AMPH: variants seen among roughly 807,000 people sequenced by gnomAD.
The protein encoded by AMPH is amphiphysin (Stiff-Mann syndrome with breast cancer 128kD autoantigen).
In AMPH, 49 loss-of-function variants were observed where a neutral mutation model predicts 99.1. The ratio of observed to expected loss-of-function variants is 0.49; its 90% CI spans 0.39 to 0.63. AMPH has a LOEUF of 0.63. Ranked by LOEUF, AMPH falls within the 20% of genes least tolerant of loss-of-function variation. The pLI is 0.00. For synonymous variants in AMPH, 314 were observed against 317.3 expected, an observed-to-expected ratio of 0.99 and a Z score of 0.11; for missense variants, 759 against 863.4, an observed-to-expected ratio of 0.88 and a Z score of 1.52.
chr7:38,549,527 G>A (rs527405284), intron 1 of AMPH, among the ~76,000 whole-genome samples: 2 of 152,338 alleles, frequency 1.3e-5, no homozygotes, highest in African/African-American at 4.8e-5. Context: ...CTGAAAATGT[G>A]ATGAGTTATT....
intron 13 of AMPH, among the ~76,000 whole-genome samples, chr7:38,431,886 C>T (rs58270656): frequency 2.0e-5 from 3 of 152,060 alleles, no homozygotes; most frequent in African/African-American, 4.8e-5. Flanking sequence ...GTGTCCTTCA[C>T]TGCAACAGCT....
At position 38,503,662 on chromosome 7, in the gene AMPH, C is replaced by T; in HGVS notation, c.193G>A (p.Ala65Thr). The T allele has an allele frequency of 6.2e-7, 1 of 1,613,984 alleles. No homozygotes were observed. Among genetic ancestry groups the T allele is most frequent in the Non-Finnish European group, 8.5e-7 (1 of 1,179,952 alleles). Residue 65 changes from alanine to threonine, a missense_variant, in exon 3 of 21, where the codon GCA (alanine) becomes ACA (threonine). This residue lies in a region of AMPH where 205 missense variants were observed against 287.9 expected (regional missense o/e 0.71). Coordinates refer to ENST00000356264, the MANE Select transcript of AMPH (RefSeq NM_001635.4). The part of the protein sequence containing the change: ...RLQRELRGYL[A>T]AIKGMQEASM... ...TCATACACATTACCTTTGATTGCTG[C>T]TAAATATCCTCGGAGTTCTCGCTGA...
intron 1 of AMPH, among the ~76,000 whole-genome samples, chr7:38,537,296 C>G (rs1262263800): frequency 6.6e-6 from 1 of 152,102 alleles, no homozygotes; most frequent in East Asian, 1.9e-4. Context: ...ATTAATAGTG[C>G]CTACTTCACA....
Position 38,407,021 on chromosome 7 carries a change from C to CCTCTCTCTCTCTCTCTCT in AMPH, c.1398+10786_1398+10803dup, listed in dbSNP as rs71558121. ...ATAAGCCAATTTTCCCTAATAGACT[C>CCTCTCTCTCTCTCTCTCT]CTCTCTCTCTCTCTCTCTCTCTCTC... On this transcript the variant is annotated intron_variant, in intron 17 of 20. Transcript: ENST00000356264. 7.8e-3 allele frequency among the ~76,000 whole-genome samples: 29 copies of CCTCTCTCTCTCTCTCTCT among 3,704 alleles called. 9 individuals are homozygous for CCTCTCTCTCTCTCTCTCT. The highest frequency in any genetic ancestry group is 0.013 in the South Asian group (1 of 78). The allele number at this position is 3,704 out of a possible 152,430, so 2.4% of individuals were successfully genotyped here.
chr7:38,437,090 C>G (rs1427054215), intron 11 of AMPH, among the ~76,000 whole-genome samples: 1 of 152,122 alleles, frequency 6.6e-6, no homozygotes, highest in African/African-American at 2.4e-5. Context: ...CCAAATAAGA[C>G]ACAGGACGAA....
At chr7:38,546,053 G>C (rs1215190086) in intron 1 of AMPH, among the ~76,000 whole-genome samples, 2 of 152,166 alleles carry the variant, frequency 1.3e-5, no homozygotes, top group African/African-American at 4.8e-5. Context: ...AGTATTTTCA[G>C]TTCAGTTTGT....
At chr7:38,549,621 C>A (rs2118460) in intron 1 of AMPH, among the ~76,000 whole-genome samples, 83,744 of 152,000 alleles carry the variant, frequency 0.55, 23,436 homozygotes, top group East Asian at 0.73. Context: ...ACTAAACAAC[C>A]ACAAACAACT....
chr7:38,591,448 C>T (rs112144599), intron 1 of AMPH, among the ~76,000 whole-genome samples: 2,715 of 152,050 alleles, frequency 0.018, 30 homozygotes, highest in Middle Eastern at 0.044. Flanking sequence ...CCACCATGCC[C>T]GGCTAATTTT....
chr7:38,466,678 T>C (rs1177634594), intron 7 of AMPH, among the ~76,000 whole-genome samples: 1 of 152,188 alleles, frequency 6.6e-6, no homozygotes, highest in Non-Finnish European at 1.5e-5. Flanking sequence ...AGTTACTGTT[T>C]CTTGCTTTCA....
At chr7:38,520,839 A>G (rs1322397136) in intron 2 of AMPH, among the ~76,000 whole-genome samples, 6 of 152,210 alleles carry the variant, frequency 3.9e-5, no homozygotes, top group Non-Finnish European at 8.8e-5. Flanking sequence ...ATTCAGTCCC[A>G]AAATTACACT....
chr7:38,403,640 G>A (rs1365418270), intron 17 of AMPH, among the ~76,000 whole-genome samples: 1 of 152,260 alleles, frequency 6.6e-6, no homozygotes, highest in Non-Finnish European at 1.5e-5. Context: ...ACTCCAGAGA[G>A]CTAGCTCTTG....
chr7:38,399,543 T>C (rs1784783322), intron 17 of AMPH, among the ~76,000 whole-genome samples: 2 of 152,250 alleles, frequency 1.3e-5, no homozygotes, highest in Admixed American at 1.3e-4. Flanking sequence ...ATGAAAGTTA[T>C]ACCTCTTATT....
intron 5 of AMPH, 101 bp downstream of exon 5, chr7:38,490,949 G>T: frequency 1.4e-6 from 1 of 702,032 alleles, no homozygotes; most frequent in Non-Finnish European, 2.4e-6. Context: ...AACTATCTTT[G>T]ATGTCAGTTT....
chr7:38,437,134 T>C (rs538135272), intron 11 of AMPH, among the ~76,000 whole-genome samples: 21 of 152,308 alleles, frequency 1.4e-4, no homozygotes, highest in African/African-American at 4.1e-4. Flanking sequence ...AAATCTATAA[T>C]ACTAAACATT....
intron 1 of AMPH, among the ~76,000 whole-genome samples, chr7:38,606,303 C>T (rs1002562337): frequency 2.6e-5 from 4 of 152,122 alleles, no homozygotes; most frequent in Non-Finnish European, 5.9e-5. Flanking sequence ...GTTGTGCAAC[C>T]GTCACCACTG....
intron 7 of AMPH, among the ~76,000 whole-genome samples, chr7:38,474,122 G>C (rs1031769150): frequency 6.6e-6 from 1 of 152,078 alleles, no homozygotes; most frequent in Non-Finnish European, 1.5e-5. Context: ...ACCAGAGAAA[G>C]GGAGAGTGAT....
intron 1 of AMPH, among the ~76,000 whole-genome samples, chr7:38,601,495 G>T (rs13225949): frequency 1.3e-5 from 2 of 152,026 alleles, no homozygotes; most frequent in African/African-American, 4.8e-5. Context: ...CATGATCTAG[G>T]ACACTCAAAG....
intron 12 of AMPH, 88 bp downstream of exon 12, chr7:38,436,184 T>C (rs765393752): frequency 8.9e-5 from 82 of 925,710 alleles, no homozygotes; most frequent in Non-Finnish European, 1.4e-4. Context: ...TAGATAGTAG[T>C]CATGAAAGGT....
chr7:38,594,067 G>T (rs941125816), intron 1 of AMPH, among the ~76,000 whole-genome samples: 1 of 152,106 alleles, frequency 6.6e-6, no homozygotes, highest in Non-Finnish European at 1.5e-5. Context: ...GTGGAGTAAG[G>T]GTGCAGGGGG....
Sources: allele counts gnomAD v4.1 joint callset (sites outside exome capture counted in the v4.1 genomes callset), GRCh38; gene constraint gnomAD v4.1.1; regional missense constraint gnomAD v4.1.1; transcripts MANE v1.5; gene names NCBI Gene and HGNC (gene_info 2026-07-23, HGNC 2026-07-21).